Variants in TGFBR3 observed in about 807,000 individuals in gnomAD.
TGFBR3 encodes transforming growth factor beta receptor 3.
In TGFBR3, 46 loss-of-function variants were observed where a neutral mutation model predicts 87.9. That is an observed-to-expected ratio of 0.52 (90% CI 0.41 to 0.67). The LOEUF (loss-of-function observed/expected upper bound fraction) is 0.67. Ranked by LOEUF, TGFBR3 falls within the 30% of genes least tolerant of loss-of-function variation. The pLI is 0.00. For synonymous variants in TGFBR3, 381 were observed against 391.6 expected (o/e 0.97, Z 0.32); for missense variants, 866 against 1,041.9 (o/e 0.83, Z 2.32).
rs774611037 is a variant in TGFBR3 at position 91,683,487 on chromosome 1, G to A, written c.*252C>T. On this transcript the variant is annotated 3_prime_UTR_variant, in exon 17 of 17. Coordinates refer to ENST00000212355, the MANE Select transcript of TGFBR3 (RefSeq NM_003243.5). ...CCCAAGCCTGTGAGGGGCTGGTGGAGAAGACCACCATTTTAGCTTTCTCAC... is the reference window on the plus strand; with the variant it reads ...CCCAAGCCTGTGAGGGGCTGGTGGAAAAGACCACCATTTTAGCTTTCTCAC... 1.5e-6 allele frequency: 1 copy of A among 677,344 alleles called. No homozygotes were observed. 42.0% of individuals were successfully genotyped at this position (677,344 alleles called of 1,614,324 possible). A position where few individuals can be genotyped will look rare whatever the true frequency, so the allele number is the denominator to read the frequency against.
chr1:91,849,288 T>G (rs1677626597), intron 2 of TGFBR3, among the ~76,000 whole-genome samples: 1 of 152,144 alleles, frequency 6.6e-6, no homozygotes, highest in Non-Finnish European at 1.5e-5. Flanking sequence ...AACCTTATGA[T>G]GGCCTGCAAT....
intron 2 of TGFBR3, among the ~76,000 whole-genome samples, chr1:91,859,020 A>G (rs1298590674): frequency 6.6e-6 from 1 of 151,028 alleles, no homozygotes; most frequent in African/African-American, 2.4e-5. Context: ...GCACCACTGC[A>G]CTCCAGCCTG....
At chr1:91,869,160 C>A (rs542805360) in intron 1 of TGFBR3, among the ~76,000 whole-genome samples, 1 of 152,282 alleles carries the variant, frequency 6.6e-6, no homozygotes, top group East Asian at 1.9e-4. Context: ...CCTCTGATTC[C>A]CTTGGACCAA....
At chr1:91,708,935 C>T in intron 13 of TGFBR3, 152 bp from the exon 14 acceptor site, 1 of 1,109,562 alleles carries the variant, frequency 9.0e-7, no homozygotes, top group South Asian at 1.3e-5. Context: ...TCAGAGAACA[C>T]CAAATAACCT....
chr1:91,816,407 A>G (rs2101050009), intron 2 of TGFBR3, among the ~76,000 whole-genome samples: 1 of 152,250 alleles, frequency 6.6e-6, no homozygotes, highest in South Asian at 2.1e-4. Context: ...ATTTTTCTCA[A>G]TTATTTTCCC....
chr1:91,831,441 G>T (rs1390756727), intron 2 of TGFBR3, among the ~76,000 whole-genome samples: 5 of 134,390 alleles, frequency 3.7e-5, no homozygotes, highest in African/African-American at 1.3e-4. Context: ...CAAAATTAAG[G>T]TTTACCATTC....
chr1:91,710,131 A>G (rs1671929480), intron 13 of TGFBR3, among the ~76,000 whole-genome samples: 1 of 152,222 alleles, frequency 6.6e-6, no homozygotes, highest in Non-Finnish European at 1.5e-5. Context: ...AGTCTATAGC[A>G]GGCATCCCAA....
chr1:91,847,786 C>T (rs1460728549), intron 2 of TGFBR3, among the ~76,000 whole-genome samples: 1 of 152,058 alleles, frequency 6.6e-6, no homozygotes, highest in Non-Finnish European at 1.5e-5. Context: ...TATCACCTCT[C>T]ATTACCGAAG....
intron 2 of TGFBR3, among the ~76,000 whole-genome samples, chr1:91,799,172 C>T (rs778816569): frequency 2.0e-5 from 3 of 152,254 alleles, no homozygotes; most frequent in African/African-American, 4.8e-5. Flanking sequence ...AGTCTGCACC[C>T]AGAAGCAGAC....
intron 15 of TGFBR3, 46 bp downstream of exon 15, chr1:91,698,043 G>A (rs374885193): frequency 3.9e-5 from 62 of 1,587,774 alleles, no homozygotes; most frequent in Middle Eastern, 1.7e-4. Flanking sequence ...TCATTCTTAG[G>A]AAAGCCCAGG....
At position 91,683,745 on chromosome 1, in the gene TGFBR3, C is replaced by T. The variant is rs1369667235; in HGVS notation, c.2550G>A (p.Thr850=). The T allele has an allele frequency of 3.8e-6, 6 of 1,569,514 alleles. No individual in the cohort carries two copies. Among genetic ancestry groups the T allele is most frequent in the Non-Finnish European group, 5.2e-6 (6 of 1,162,578 alleles). The change falls in exon 17 of 17, where the codon ACG becomes ACA. Residue 850 remains threonine (T), a synonymous_variant. Coordinates refer to ENST00000212355, the MANE Select transcript of TGFBR3 (RefSeq NM_003243.5). ...CGGGTTGGGCTGGGTTGGGCTAGGC[C>T]GTGCTGCTGCTGGAGCAAGGCGTGC... The part of the protein sequence containing the change: ...TQSTPCSSSS[T]A
Position 91,729,821 on chromosome 1 carries a change from T to C in TGFBR3, c.721A>G (p.Asn241Asp), listed in dbSNP as rs1488064908. 4.3e-6 allele frequency: 7 copies of C among 1,614,128 alleles called. No homozygotes were observed. The highest frequency in any genetic ancestry group is 2.7e-5 in the African/African-American group (2 of 75,036). Residue 241 changes from asparagine (N) to aspartate (D), a missense_variant, in exon 6 of 17, where the codon AAC becomes GAC. Asn to Asp is a conservative substitution (Grantham distance 23). Coordinates refer to ENST00000212355, the MANE Select transcript of TGFBR3 (RefSeq NM_003243.5). ...EVHIIELITP[N>D]SNPYSAFQVD... ...CTCACTTACCTGTAGGGGTTAGAGTTGGGGGTGATTAGCTCGATGATGTGT... is the reference window on the plus strand; with the variant it reads ...CTCACTTACCTGTAGGGGTTAGAGTCGGGGGTGATTAGCTCGATGATGTGT...
In TGFBR3 at chr1:91,682,670, C is replaced by G. The variant is rs902; in HGVS notation, c.*1069G>C. On this transcript the variant is annotated 3_prime_UTR_variant, in exon 17 of 17. Transcript: ENST00000212355. ...TTTGCCATGCATTTGCATCTTGCTA[C>G]AGTTTGGTTTTTATGAAAGGGCCTA... 0.78 allele frequency: 351,704 copies of G among 453,748 alleles called. 137,443 individuals are homozygous for G. The highest frequency in any genetic ancestry group is 0.99 in the East Asian group (14,211 of 14,372). 28.1% of individuals were successfully genotyped at this position (453,748 alleles called of 1,614,324 possible). A position where few individuals can be genotyped will look rare whatever the true frequency, so the allele number is the denominator to read the frequency against.
chr1:91,869,048 T>C (rs1444097756), intron 1 of TGFBR3, among the ~76,000 whole-genome samples: 3 of 152,184 alleles, frequency 2.0e-5, no homozygotes, highest in Non-Finnish European at 2.9e-5. Context: ...CCAAAAGTGA[T>C]GTTCACTATA....
chr1:91,825,216 T>C (rs1676589280), intron 2 of TGFBR3, among the ~76,000 whole-genome samples: 1 of 152,196 alleles, frequency 6.6e-6, no homozygotes, highest in Non-Finnish European at 1.5e-5. Flanking sequence ...ATTCCTCATA[T>C]CCCCAGACAG....
At chr1:91,886,423 T>C (rs912973540), upstream of TGFBR3, 11 of 325,340 alleles carry the variant, frequency 3.4e-5, no homozygotes, top group South Asian at 2.6e-4. Context: ...GAGAAGGGGC[T>C]AGGGGCGCGG....
chr1:91,682,665 T>TG lies in TGFBR3; in HGVS notation c.*1073dup, dbSNP rs1557653388. 1 of 454,050 alleles carries TG rather than the reference T, an allele frequency of 2.2e-6. No homozygotes were observed. Among genetic ancestry groups the TG allele is most frequent in the East Asian group, 7.0e-5 (1 of 14,384 alleles). 28.1% of individuals were successfully genotyped at this position (454,050 alleles called of 1,614,324 possible). ...CAGGATTTGCCATGCATTTGCATCT[T>TG]GCTACAGTTTGGTTTTTATGAAAGG... On this transcript the variant is annotated 3_prime_UTR_variant, in exon 17 of 17. Transcript: ENST00000212355.
In TGFBR3 at chr1:91,811,634, A is replaced by G. The variant is rs1676034021; in HGVS notation, c.62-14163T>C. On this transcript the variant is annotated intron_variant, in intron 2 of 16. Transcript: ENST00000212355. ...AGAGATATCAGTTCAATAAAAGGCT[A>G]AGAGAGAAGGGTATAATTCAATCAA... Among the ~76,000 whole-genome samples, 3 of 152,186 alleles carry G rather than the reference A, an allele frequency of 2.0e-5. No homozygotes were observed. The South Asian group carries it at 6.2e-4, about 32-fold the overall frequency.
At chr1:91,769,000 G>T (rs1466577525) in intron 3 of TGFBR3, among the ~76,000 whole-genome samples, 2 of 152,074 alleles carry the variant, frequency 1.3e-5, no homozygotes, top group Non-Finnish European at 2.9e-5. Flanking sequence ...TTGACCTGGT[G>T]GTTAAGAACA....
Sources: allele counts gnomAD v4.1 joint callset (sites outside exome capture counted in the v4.1 genomes callset), GRCh38; gene constraint gnomAD v4.1.1; transcripts MANE v1.5; gene names NCBI Gene and HGNC (gene_info 2026-07-23, HGNC 2026-07-21).